ADGRV1: variants seen among roughly 807,000 people sequenced by gnomAD.
ADGRV1 encodes adhesion G protein-coupled receptor V1.
Under a neutral mutation model 596.2 loss-of-function variants are expected in ADGRV1, and 359 were observed. The observed-to-expected ratio is 0.60, with a 90% CI of 0.55 to 0.66. The LOEUF (loss-of-function observed/expected upper bound fraction) is 0.66, where lower values mean the gene tolerates loss of function less well. Among genes scored for constraint, ADGRV1 ranks in the 30% least tolerant of loss-of-function variants. The pLI, the probability that ADGRV1 is intolerant of heterozygous loss-of-function variation, is 0.00. For synonymous variants in ADGRV1, 2,681 were observed against 2,679.2 expected (o/e 1.00, Z -0.02); for missense variants, 7,274 against 7,575.6 (o/e 0.96, Z 1.48).
intron 70 of ADGRV1, among the ~76,000 whole-genome samples, chr5:90,795,166 A>AGAGGGGGCTGAAGCCGGGAAGCC (rs1344830299): frequency 7.6e-6 from 1 of 131,982 alleles, no homozygotes; most frequent in Non-Finnish European, 1.6e-5. Flanking sequence ...ACTCCCCTGG[A>AGAGGGGGCTGAAGCCGGGAAGCC]GAGGGGGCTG....
rs573982015 is a variant in ADGRV1 at position 90,841,826 on chromosome 5, T to A, written c.17019+841T>A. Among the ~76,000 whole-genome samples the A allele has an allele frequency of 2.6e-4, 39 of 152,314 alleles. 1 individual carries two copies. The highest frequency in any genetic ancestry group is 5.1e-4 in the Non-Finnish European group (35 of 68,036). Reference sequence around the variant, plus strand: ...GGGGTTTTAGATAGTCGTGCATACTTTCCATCCAGTGGTATCTCTTAAAAT... The same window carrying A: ...GGGGTTTTAGATAGTCGTGCATACTATCCATCCAGTGGTATCTCTTAAAAT... On this transcript the variant is annotated intron_variant, in intron 78 of 89. Coordinates refer to ENST00000405460, the MANE Select transcript of ADGRV1 (RefSeq NM_032119.4).
chr5:90,765,454 CACACACACACACACACAA>C (rs898402405), intron 59 of ADGRV1, among the ~76,000 whole-genome samples: 2 of 149,874 alleles, frequency 1.3e-5, no homozygotes, highest in African/African-American at 5.0e-5. Context: ...CACACACACA[CACACACACACACACACAA>C]ACTCTAGATA....
intron 83 of ADGRV1, among the ~76,000 whole-genome samples, chr5:90,953,188 T>C (rs1260149060): frequency 2.6e-5 from 4 of 152,130 alleles, no homozygotes; most frequent in African/African-American, 9.7e-5. Flanking sequence ...CAGCAGAGAA[T>C]AGCAAAAAGA....
rs570329067 is a variant in ADGRV1, at chr5:90,830,219, G to A, written c.16611+1033G>A. Among the ~76,000 whole-genome samples, 9 of 152,152 alleles carry A rather than the reference G, an allele frequency of 5.9e-5. No individual in the cohort carries two copies. In the South Asian group the frequency reaches 6.2e-4, roughly 11 times the overall value. ...GCCAGGCAGTAAAACTTATCTTTAC[G>A]ACAGAGTCCACAGTGCAGCAAACAA... On this transcript the variant is annotated intron_variant, in intron 77 of 89. Coordinates refer to ENST00000405460, the MANE Select transcript of ADGRV1 (RefSeq NM_032119.4).
At chr5:91,030,822 A>G (rs1255785518) in intron 85 of ADGRV1, among the ~76,000 whole-genome samples, 1 of 152,194 alleles carries the variant, frequency 6.6e-6, no homozygotes, top group Non-Finnish European at 1.5e-5. Flanking sequence ...TTTACCTAAA[A>G]ATTCATTATT....
chr5:90,747,303 G>A (rs1285500186), intron 52 of ADGRV1, among the ~76,000 whole-genome samples: 1 of 152,130 alleles, frequency 6.6e-6, no homozygotes, highest in Non-Finnish European at 1.5e-5. Flanking sequence ...GATAGGGGAT[G>A]AGGTTCAACA....
At chr5:90,710,831 C>T (rs1749243361) in intron 39 of ADGRV1, 150 bp from the exon 40 acceptor site, 2 of 537,996 alleles carry the variant, frequency 3.7e-6, no homozygotes, top group East Asian at 3.0e-5. Flanking sequence ...AGCATTGTCT[C>T]TTTATTTTCT....
intron 84 of ADGRV1, among the ~76,000 whole-genome samples, chr5:90,971,586 A>G (rs970853898): frequency 1.1e-4 from 17 of 152,232 alleles, no homozygotes; most frequent in Non-Finnish European, 2.2e-4. Flanking sequence ...CCAGAATTTC[A>G]TATCCAGCCA....
chr5:90,752,814 G>C (rs1317993093), intron 53 of ADGRV1, among the ~76,000 whole-genome samples: 2 of 152,186 alleles, frequency 1.3e-5, no homozygotes, highest in Non-Finnish European at 2.9e-5. Flanking sequence ...GTCCATCAAT[G>C]ATAGACTGAA....
intron 83 of ADGRV1, among the ~76,000 whole-genome samples, chr5:90,948,528 C>T (rs1452972461): frequency 1.3e-5 from 2 of 152,050 alleles, no homozygotes; most frequent in African/African-American, 4.8e-5. Flanking sequence ...TCCTATGACC[C>T]TTCAACTTTA....
chr5:90,615,110 T>G, intron 2 of ADGRV1, 91 bp downstream of exon 2: 1 of 770,976 alleles, frequency 1.3e-6, no homozygotes, highest in Non-Finnish European at 2.0e-6. Flanking sequence ...GTTTGAGATT[T>G]TGAGCAGTTT....
chr5:90,680,087 G>A lies in ADGRV1; in HGVS notation c.5524+458G>A, dbSNP rs137980779. On this transcript the variant is annotated intron_variant, in intron 26 of 89. Transcript: ENST00000405460. Reference sequence around the variant, plus strand: ...TATGTAAAATGTAATCAAAACAAATGGGGAGTAATCCCAGCACTCTGGGAG... The same window carrying A: ...TATGTAAAATGTAATCAAAACAAATAGGGAGTAATCCCAGCACTCTGGGAG... 2.8e-3 allele frequency among the ~76,000 whole-genome samples: 430 copies of A among 152,148 alleles called. 1 individual carries two copies. Among genetic ancestry groups the A allele is most frequent in the African/African-American group, 9.3e-3 (388 of 41,532 alleles).
chr5:91,046,923 C>A (rs533096117), intron 85 of ADGRV1, among the ~76,000 whole-genome samples: 4 of 152,254 alleles, frequency 2.6e-5, no homozygotes, highest in African/African-American at 9.6e-5. Context: ...AAATGCTCAG[C>A]ATCACTAATG....
At chr5:90,595,983 A>G (rs1372685664) in intron 1 of ADGRV1, among the ~76,000 whole-genome samples, 1 of 142,028 alleles carries the variant, frequency 7.0e-6, no homozygotes, top group Admixed American at 6.9e-5. Context: ...GAGGCTCCTC[A>G]CTTTTCAGAC....
chr5:90,676,531 G>C (rs985107517), intron 25 of ADGRV1, among the ~76,000 whole-genome samples: 2 of 152,032 alleles, frequency 1.3e-5, no homozygotes, highest in Non-Finnish European at 2.9e-5. Context: ...GTTTCACATT[G>C]ATATGCTTTC....
intron 22 of ADGRV1, 160 bp downstream of exon 22, chr5:90,672,882 G>C (rs1772685178): frequency 3.6e-6 from 2 of 555,670 alleles, no homozygotes; most frequent in Non-Finnish European, 6.3e-6. Context: ...CATGTCTGCT[G>C]TAAAACCTTT....
chr5:90,865,988 T>C lies in ADGRV1; in HGVS notation c.17856+2131T>C, dbSNP rs115940501. Among the ~76,000 whole-genome samples the C allele has an allele frequency of 4.6e-3, 697 of 152,196 alleles. 7 individuals are homozygous for C. Among genetic ancestry groups the C allele is most frequent in the African/African-American group, 0.016 (674 of 41,542 alleles). On this transcript the variant is annotated intron_variant, in intron 83 of 89. Coordinates refer to ENST00000405460, the MANE Select transcript of ADGRV1 (RefSeq NM_032119.4). Reference sequence around the variant, plus strand: ...GGTTAAATCAACTCTAGAGAAGTCTTAAAAAAATGCAGGCTTGGCCTGTGG... The same window carrying C: ...GGTTAAATCAACTCTAGAGAAGTCTCAAAAAAATGCAGGCTTGGCCTGTGG...
intron 85 of ADGRV1, among the ~76,000 whole-genome samples, chr5:91,017,277 T>C (rs1389736698): frequency 6.6e-6 from 1 of 151,952 alleles, no homozygotes; most frequent in Non-Finnish European, 1.5e-5. Flanking sequence ...GAATGTATTC[T>C]AATGTGAAAG....
intron 85 of ADGRV1, among the ~76,000 whole-genome samples, chr5:91,022,353 C>T (rs1041408569): frequency 1.3e-5 from 2 of 151,942 alleles, no homozygotes; most frequent in African/African-American, 4.8e-5. Flanking sequence ...AACTACTCAT[C>T]GTGTCAGTGG....
Sources: gnomAD v4.1 joint callset for allele counts (sites outside exome capture counted in the v4.1 genomes callset) on GRCh38, gnomAD v4.1.1 for gene constraint, MANE v1.5 for transcripts, NCBI Gene and HGNC (gene_info 2026-07-23, HGNC 2026-07-21) for gene names.